Variants in NKAIN2 observed in about 807,000 individuals in gnomAD.
The protein encoded by NKAIN2 is sodium/potassium transporting ATPase interacting 2, also known as sodium/potassium-transporting ATPase subunit beta-1-interacting protein 2.
Under a neutral mutation model 32.6 loss-of-function variants are expected in NKAIN2, and 14 were observed. That is an observed-to-expected ratio of 0.43 (90% CI 0.28 to 0.67). The LOEUF (loss-of-function observed/expected upper bound fraction) is 0.67, where lower values mean the gene tolerates loss of function less well. Among genes scored for constraint, NKAIN2 ranks in the 30% least tolerant of loss-of-function variants. The pLI, the probability that NKAIN2 is intolerant of heterozygous loss-of-function variation, is 0.17. For synonymous variants in NKAIN2, 80 were observed against 87.2 expected (o/e 0.92, Z 0.46); for missense variants, 198 against 258.3 (o/e 0.77, Z 1.60).
chr6:123,839,876 A>G (rs1774795854), intron 1 of NKAIN2, among the ~76,000 whole-genome samples: 1 of 152,180 alleles, frequency 6.6e-6, no homozygotes, highest in South Asian at 2.1e-4. Flanking sequence ...AGCAAATGTT[A>G]CAGAAAACAT....
intron 3 of NKAIN2, among the ~76,000 whole-genome samples, chr6:124,509,719 G>C (rs921862051): frequency 1.3e-5 from 2 of 152,198 alleles, no homozygotes; most frequent in African/African-American, 4.8e-5. Flanking sequence ...GCAAGATGCA[G>C]AACCAGGTGG....
At chr6:124,654,252 A>C (rs1045588409) in intron 3 of NKAIN2, among the ~76,000 whole-genome samples, 2 of 152,120 alleles carry the variant, frequency 1.3e-5, no homozygotes, top group African/African-American at 4.8e-5. Context: ...AAGAAATGCT[A>C]TTTTTGGCTA....
At chr6:124,716,566 C>T (rs1459045292) in intron 4 of NKAIN2, among the ~76,000 whole-genome samples, 1 of 152,162 alleles carries the variant, frequency 6.6e-6, no homozygotes, top group African/African-American at 2.4e-5. Flanking sequence ...ACAGTGGCTC[C>T]TAATATCACT....
intron 3 of NKAIN2, among the ~76,000 whole-genome samples, chr6:124,388,758 A>G (rs990783572): frequency 2.4e-4 from 36 of 152,134 alleles, no homozygotes; most frequent in African/African-American, 8.7e-4. Flanking sequence ...GGTTGAACAA[A>G]GAGATGCTCT....
At chr6:124,774,598 G>A (rs1297593660) in intron 4 of NKAIN2, among the ~76,000 whole-genome samples, 1 of 152,130 alleles carries the variant, frequency 6.6e-6, no homozygotes, top group Non-Finnish European at 1.5e-5. Flanking sequence ...GCTCACGCCT[G>A]TAATTCGATC....
intron 1 of NKAIN2, among the ~76,000 whole-genome samples, chr6:124,224,441 TC>T (rs1364533605): frequency 6.6e-6 from 1 of 152,110 alleles, no homozygotes; most frequent in African/African-American, 2.4e-5. Flanking sequence ...GACATTCACA[TC>T]CTCTAAGAAT....
At chr6:124,283,489 T>C (rs956322846) in intron 2 of NKAIN2, among the ~76,000 whole-genome samples, 5 of 152,226 alleles carry the variant, frequency 3.3e-5, no homozygotes, top group Admixed American at 1.3e-4. Context: ...TTTTAAATAA[T>C]CATATTTTAT....
chr6:124,496,485 A>G (rs1778068300), intron 3 of NKAIN2, among the ~76,000 whole-genome samples: 2 of 152,164 alleles, frequency 1.3e-5, no homozygotes, highest in South Asian at 4.1e-4. Context: ...ATGTGCATAA[A>G]TTGCAAGGTA....
chr6:124,584,028 A>T (rs1168253557), intron 3 of NKAIN2, among the ~76,000 whole-genome samples: 1 of 152,220 alleles, frequency 6.6e-6, no homozygotes, highest in Non-Finnish European at 1.5e-5. Context: ...GAGATATCAA[A>T]CTATGAAACT....
intron 3 of NKAIN2, among the ~76,000 whole-genome samples, chr6:124,412,869 A>T (rs557556673): frequency 6.6e-6 from 1 of 152,264 alleles, no homozygotes; most frequent in South Asian, 2.1e-4. Flanking sequence ...AAGCCTGGGC[A>T]ATGGCGGGCG....
intron 3 of NKAIN2, among the ~76,000 whole-genome samples, chr6:124,408,662 A>T (rs935154641): frequency 6.6e-6 from 1 of 152,028 alleles, no homozygotes; most frequent in Non-Finnish European, 1.5e-5. Context: ...TTGGCTTAGG[A>T]TTGTCTTGGC....
chr6:124,609,615 T>C (rs1353426799), intron 3 of NKAIN2, among the ~76,000 whole-genome samples: 1 of 152,036 alleles, frequency 6.6e-6, no homozygotes, highest in Non-Finnish European at 1.5e-5. Context: ...TCCACCTGCC[T>C]CTCACCTCCT....
intron 4 of NKAIN2, among the ~76,000 whole-genome samples, chr6:124,682,403 A>G (rs546921429): frequency 1.2e-3 from 180 of 152,318 alleles, no homozygotes; most frequent in African/African-American, 4.2e-3. Context: ...TAAAACATTC[A>G]TATTCTGTAG....
At chr6:123,956,215 A>G (rs1376900241) in intron 1 of NKAIN2, among the ~76,000 whole-genome samples, 2 of 152,190 alleles carry the variant, frequency 1.3e-5, no homozygotes, top group African/African-American at 2.4e-5. Flanking sequence ...ACCGGTATCT[A>G]TTTCTTATTT....
intron 3 of NKAIN2, among the ~76,000 whole-genome samples, chr6:124,476,239 A>G (rs1411702559): frequency 6.6e-6 from 1 of 152,188 alleles, no homozygotes; most frequent in Non-Finnish European, 1.5e-5. Flanking sequence ...TTTACATTTT[A>G]CAAGAAAATT....
chr6:124,088,705 A>G (rs554092146), intron 1 of NKAIN2, among the ~76,000 whole-genome samples: 57 of 152,160 alleles, frequency 3.7e-4, no homozygotes, highest in African/African-American at 1.3e-3. Flanking sequence ...ACCATATTTG[A>G]TGTACTGATT....
intron 1 of NKAIN2, among the ~76,000 whole-genome samples, chr6:123,885,296 A>G (rs1773661444): frequency 6.6e-6 from 1 of 152,122 alleles, no homozygotes; most frequent in Non-Finnish European, 1.5e-5. Flanking sequence ...GGCTTTGTAT[A>G]AAATTTGCTT....
chr6:124,582,390 C>G (rs2114942011), intron 3 of NKAIN2, among the ~76,000 whole-genome samples: 1 of 152,096 alleles, frequency 6.6e-6, no homozygotes, highest in East Asian at 1.9e-4. Flanking sequence ...TAGACACTTG[C>G]AACCTACCAA....
intron 4 of NKAIN2, among the ~76,000 whole-genome samples, chr6:124,773,307 G>C (rs1003282138): frequency 3.3e-5 from 5 of 152,166 alleles, no homozygotes; most frequent in African/African-American, 1.2e-4. Context: ...AGGAGAAAGA[G>C]GAGGGAGAGA....
Sources: allele counts gnomAD v4.1 joint callset (sites outside exome capture counted in the v4.1 genomes callset), GRCh38; gene constraint gnomAD v4.1.1; transcripts MANE v1.5; gene names NCBI Gene and HGNC (gene_info 2026-07-23, HGNC 2026-07-21).